TAMM41: variants seen among roughly 807,000 people sequenced by gnomAD.
The protein encoded by TAMM41 is TAM41 mitochondrial translocator assembly and maintenance homolog.
In TAMM41, 36 loss-of-function variants were observed where a neutral mutation model predicts 44.1. The observed-to-expected ratio is 0.82, with a 90% CI of 0.63 to 1.08. TAMM41 has a LOEUF of 1.08. Ranked by LOEUF, TAMM41 falls within the 50% of genes least tolerant of loss-of-function variation. TAMM41 has a pLI of 0.00. For missense variants in TAMM41, 417 were observed against 404.3 expected, an observed-to-expected ratio of 1.03 and a Z score of -0.27; for synonymous variants, 164 against 153.1, an observed-to-expected ratio of 1.07 and a Z score of -0.53.
the TAMM41 span, among the ~76,000 whole-genome samples, chr3:11,775,995 C>T: frequency 6.9e-5 from 10 of 145,806 alleles, no homozygotes; most frequent in South Asian, 2.0e-3. Flanking sequence ...AGAAATAGAT[C>T]TTTTATTTTT....
chr3:11,743,025 C>T, the TAMM41 span, among the ~76,000 whole-genome samples: 2 of 152,132 alleles, frequency 1.3e-5, no homozygotes, highest in African/African-American at 4.8e-5. Context: ...GTAGGCCCCC[C>T]CAACCAGACA....
At chr3:11,836,690 C>T (rs2347108) in intron 3 of TAMM41, among the ~76,000 whole-genome samples, 1 of 151,790 alleles carries the variant, frequency 6.6e-6, no homozygotes, top group Non-Finnish European at 1.5e-5. Flanking sequence ...TCTCGAACTC[C>T]TGACCTCAAG....
intron 7 of TAMM41, 64 bp downstream of exon 7, chr3:11,807,769 A>T (rs2077961239): frequency 6.5e-7 from 1 of 1,536,034 alleles, no homozygotes; most frequent in Non-Finnish European, 8.7e-7. Context: ...TTTACACTGT[A>T]ACCAAGAGTG....
chr3:11,759,845 G>C, the TAMM41 span, among the ~76,000 whole-genome samples: 2 of 151,914 alleles, frequency 1.3e-5, no homozygotes, highest in Admixed American at 6.6e-5. Context: ...GTGGTGGCAC[G>C]CGCCTGTAAT....
intron 7 of TAMM41, among the ~76,000 whole-genome samples, chr3:11,805,789 G>C (rs919292021): frequency 1.3e-5 from 2 of 152,188 alleles, no homozygotes; most frequent in African/African-American, 2.4e-5. Flanking sequence ...ATTTCTGTTA[G>C]CATGTCTCTT....
chr3:11,828,828 T>C (rs768549153), intron 4 of TAMM41, among the ~76,000 whole-genome samples: 1 of 152,366 alleles, frequency 6.6e-6, no homozygotes. Flanking sequence ...AAATCTTACC[T>C]GTCTGTACTG....
intron 7 of TAMM41, among the ~76,000 whole-genome samples, chr3:11,794,168 A>C (rs1159878856): frequency 7.6e-6 from 1 of 130,746 alleles, no homozygotes; most frequent in Non-Finnish European, 1.6e-5. Flanking sequence ...TTTTTTTTTT[A>C]CTCTGTCGCC....
At chr3:11,748,351 C>T in the TAMM41 span, among the ~76,000 whole-genome samples, 1 of 151,774 alleles carries the variant, frequency 6.6e-6, no homozygotes, top group African/African-American at 2.4e-5. Flanking sequence ...GGCATGATCT[C>T]GGCTCACTGC....
intron 5 of TAMM41, among the ~76,000 whole-genome samples, chr3:11,812,800 A>T (rs2078132960): frequency 6.6e-6 from 1 of 152,164 alleles, no homozygotes; most frequent in Non-Finnish European, 1.5e-5. Context: ...TTAGTGGACA[A>T]GTGCGGTAGC....
the TAMM41 span, among the ~76,000 whole-genome samples, chr3:11,771,739 C>T: frequency 4.6e-5 from 7 of 151,960 alleles, no homozygotes; most frequent in African/African-American, 1.2e-4. Flanking sequence ...CCCGCCACCA[C>T]GCCCGGCTAA....
chr3:11,777,767 C>A, the TAMM41 span, among the ~76,000 whole-genome samples: 1 of 152,154 alleles, frequency 6.6e-6, no homozygotes, highest in Non-Finnish European at 1.5e-5. Flanking sequence ...GCACTCCAGC[C>A]TGGGTGAGGG....
chr3:11,735,018 C>A, the TAMM41 span, among the ~76,000 whole-genome samples: 1 of 149,552 alleles, frequency 6.7e-6, no homozygotes, highest in Non-Finnish European at 1.5e-5. Flanking sequence ...CACTGCACTC[C>A]AGCCTGGGCA....
At chr3:11,816,750 G>GC (rs201816131) in intron 5 of TAMM41, among the ~76,000 whole-genome samples, 2,719 of 151,618 alleles carry the variant, frequency 0.018, 74 homozygotes, top group African/African-American at 0.055. Context: ...TCTAGCCTGG[G>GC]AACAGAGTCA....
At chr3:11,846,373 G>A in intron 1 of TAMM41, 129 bp downstream of exon 1, 1 of 1,111,308 alleles carries the variant, frequency 9.0e-7, no homozygotes. Flanking sequence ...CAGGCCTATG[G>A]TTCACTCTGC....
chr3:11,728,141 A>G, the TAMM41 span, among the ~76,000 whole-genome samples: 1 of 152,202 alleles, frequency 6.6e-6, no homozygotes, highest in Non-Finnish European at 1.5e-5. Flanking sequence ...AAAAAAAAAG[A>G]AAGTGAAATT....
At chr3:11,794,956 A>G (rs977401105) in intron 7 of TAMM41, among the ~76,000 whole-genome samples, 1 of 152,260 alleles carries the variant, frequency 6.6e-6, no homozygotes, top group African/African-American at 2.4e-5. Context: ...AACTTATTTT[A>G]AGAACTCACA....
chr3:11,807,638 G>T (rs1173506459), intron 7 of TAMM41, 195 bp downstream of exon 7: 47 of 1,536,090 alleles, frequency 3.1e-5, no homozygotes, highest in Non-Finnish European at 3.5e-5. Flanking sequence ...CACTGCCAAT[G>T]GTCTGACATT....
At chr3:11,808,408 C>G in intron 6 of TAMM41, 3 of 989,628 alleles carry the variant, frequency 3.0e-6, no homozygotes, top group Non-Finnish European at 3.6e-6. Flanking sequence ...TCGTACAGAG[C>G]TATCTTCAGG....
intron 3 of TAMM41, among the ~76,000 whole-genome samples, chr3:11,835,753 A>G (rs1460284520): frequency 6.6e-6 from 1 of 152,202 alleles, no homozygotes; most frequent in Non-Finnish European, 1.5e-5. Flanking sequence ...GCACAGAGAG[A>G]AGGCAAAGAC....
Sources: gnomAD v4.1 joint callset for allele counts (sites outside exome capture counted in the v4.1 genomes callset) on GRCh38, gnomAD v4.1.1 for gene constraint, MANE v1.5 for transcripts, NCBI Gene and HGNC (gene_info 2026-07-23, HGNC 2026-07-21) for gene names.